Variants in PLXNC1 observed in about 807,000 individuals in gnomAD.
The protein encoded by PLXNC1 is plexin C1.
In PLXNC1, 75 loss-of-function variants were observed where a neutral mutation model predicts 178.2. The observed-to-expected ratio is 0.42, with a 90% CI of 0.35 to 0.51. The LOEUF (loss-of-function observed/expected upper bound fraction) is 0.51, where lower values mean the gene tolerates loss of function less well. Ranked by LOEUF, PLXNC1 falls within the 20% of genes least tolerant of loss-of-function variation. The probability of loss-of-function intolerance (pLI) is 0.02; values close to 1 mark genes in which losing one functional copy is unlikely to be tolerated. For missense variants in PLXNC1, 1,503 were observed against 1,984.4 expected (o/e 0.76, Z 4.61); for synonymous variants, 790 against 779.9 (o/e 1.01, Z -0.22).
At chr12:94,255,832 T>G (rs1311908710) in intron 17 of PLXNC1, 1 of 158,010 alleles carries the variant, frequency 6.3e-6, no homozygotes, top group East Asian at 1.8e-4. Context: ...TAGTTTTTCT[T>G]TAGCTGGTCA....
At chr12:94,235,296 G>A (rs1225118972) in intron 9 of PLXNC1, among the ~76,000 whole-genome samples, 2 of 152,174 alleles carry the variant, frequency 1.3e-5, no homozygotes, top group Admixed American at 6.5e-5. Flanking sequence ...GATGGTGTTC[G>A]TAGAGCCATT....
intron 1 of PLXNC1, among the ~76,000 whole-genome samples, chr12:94,164,059 A>G (rs1268871293): frequency 6.6e-6 from 1 of 152,120 alleles, no homozygotes; most frequent in Non-Finnish European, 1.5e-5. Context: ...AGGAGACTTA[A>G]CTTGCTGGAA....
chr12:94,168,578 G>A (rs563623595), intron 1 of PLXNC1, among the ~76,000 whole-genome samples: 2 of 152,084 alleles, frequency 1.3e-5, no homozygotes, highest in Admixed American at 6.6e-5. Flanking sequence ...TCTGTGGCTC[G>A]ATCCTACCCA....
intron 4 of PLXNC1, among the ~76,000 whole-genome samples, chr12:94,187,900 A>G (rs1962578462): frequency 6.6e-6 from 1 of 152,026 alleles, no homozygotes; most frequent in South Asian, 2.1e-4. Context: ...GTGAGTGTTG[A>G]TTGAGGAGAG....
Position 94,265,112 on chromosome 12 carries a change from A to T in PLXNC1, c.3484A>T (p.Thr1162Ser). The change falls in exon 21 of 31, where the codon ACG (threonine) becomes TCG (serine). Residue 1162 changes from threonine to serine, a missense_variant. Physicochemically the swap from Thr to Ser is moderately conservative, Grantham distance 58. This residue lies in a region of PLXNC1 where 639 missense variants were observed against 979.7 expected (regional missense o/e 0.65). Coordinates refer to ENST00000258526, the MANE Select transcript of PLXNC1 (RefSeq NM_005761.3). ...TVGEPFYLLV[T>S]TLNQKINKGP... ...CGGAGAGCCCTTCTATTTGCTGGTGACGACTCTGAACCAGAAAATTAACAA... is the reference window on the plus strand; with the variant it reads ...CGGAGAGCCCTTCTATTTGCTGGTGTCGACTCTGAACCAGAAAATTAACAA... The T allele has an allele frequency of 6.2e-7, 1 of 1,614,160 alleles. No homozygotes were observed. Among genetic ancestry groups the T allele is most frequent in the Non-Finnish European group, 8.5e-7 (1 of 1,180,000 alleles).
intron 4 of PLXNC1, among the ~76,000 whole-genome samples, chr12:94,199,508 G>T (rs573191537): frequency 2.0e-5 from 3 of 152,164 alleles, no homozygotes; most frequent in African/African-American, 7.2e-5. Flanking sequence ...CTGAATTACC[G>T]TTGTGTGGGC....
chr12:94,181,966 G>T (rs1400145591), intron 3 of PLXNC1, among the ~76,000 whole-genome samples: 2 of 151,920 alleles, frequency 1.3e-5, no homozygotes, highest in Non-Finnish European at 2.9e-5. Context: ...TTAATATCAG[G>T]CCACAGTCTC....
chr12:94,156,464 C>A (rs898080670), intron 1 of PLXNC1, among the ~76,000 whole-genome samples: 1 of 144,458 alleles, frequency 6.9e-6, no homozygotes, highest in East Asian at 2.1e-4. Flanking sequence ...CTGCCTTGAT[C>A]CCCACTGTCT....
At chr12:94,194,974 C>G (rs1006478163) in intron 4 of PLXNC1, among the ~76,000 whole-genome samples, 1 of 152,020 alleles carries the variant, frequency 6.6e-6, no homozygotes, top group Non-Finnish European at 1.5e-5. Flanking sequence ...CCTGGGTAGA[C>G]CTTCACCAGG....
intron 5 of PLXNC1, among the ~76,000 whole-genome samples, chr12:94,213,837 G>A (rs1357549110): frequency 1.3e-5 from 2 of 150,950 alleles, no homozygotes; most frequent in Non-Finnish European, 2.9e-5. Context: ...TGTATCAGGT[G>A]TAAGGAAGGG....
At chr12:94,184,632 C>T (rs1036503390) in intron 3 of PLXNC1, among the ~76,000 whole-genome samples, 2 of 152,098 alleles carry the variant, frequency 1.3e-5, no homozygotes, top group Admixed American at 6.5e-5. Context: ...AGACTGGTCT[C>T]CAACTCCAGG....
At chr12:94,287,746 C>T (rs1225072082) in intron 23 of PLXNC1, among the ~76,000 whole-genome samples, 7 of 152,310 alleles carry the variant, frequency 4.6e-5, no homozygotes, top group African/African-American at 1.7e-4. Flanking sequence ...TCAAGTCCAT[C>T]ATCTGTGACA....
chr12:94,289,197 GCTC>G (rs1967020016), intron 23 of PLXNC1, among the ~76,000 whole-genome samples: 1 of 152,168 alleles, frequency 6.6e-6, no homozygotes, highest in Admixed American at 6.5e-5. Context: ...AGGATGTGTA[GCTC>G]CTGTTTATTT....
intron 23 of PLXNC1, among the ~76,000 whole-genome samples, chr12:94,291,181 G>A (rs1967283492): frequency 6.6e-6 from 1 of 152,200 alleles, no homozygotes; most frequent in Non-Finnish European, 1.5e-5. Context: ...TATATACAGA[G>A]GCCTGCCTTT....
At chr12:94,207,253 G>C (rs1421355212) in intron 4 of PLXNC1, among the ~76,000 whole-genome samples, 3 of 152,036 alleles carry the variant, frequency 2.0e-5, no homozygotes, top group Non-Finnish European at 4.4e-5. Flanking sequence ...TAAAAACAAG[G>C]AATTTATGTT....
intron 5 of PLXNC1, among the ~76,000 whole-genome samples, chr12:94,212,143 G>A (rs1357030948): frequency 1.3e-5 from 2 of 151,410 alleles, no homozygotes; most frequent in African/African-American, 2.4e-5. Context: ...GCGTGGTGGC[G>A]GGCGCCTGTA....
At chr12:94,279,721 T>TC in intron 22 of PLXNC1, 72 bp downstream of exon 22, 2 of 1,287,778 alleles carry the variant, frequency 1.6e-6, no homozygotes, top group South Asian at 1.2e-5. Flanking sequence ...TCCCTCCCTG[T>TC]CCCCCCTCCC....
In PLXNC1 at chr12:94,260,527, A is replaced by G. The variant is rs1964965658; in HGVS notation, c.3252-115A>G. ...TAAACATTAAAAAAAAAAAAAAAAA[A>G]GCTCCCAACCCAACAGGCCAGCTCC... On this transcript the variant is annotated intron_variant, in intron 19 of 30. Coordinates refer to ENST00000258526, the MANE Select transcript of PLXNC1 (RefSeq NM_005761.3). This position sits in a 1 kb window ranked among gnomAD's most constrained non-coding sequence, Gnocchi z 4.4. The G allele has an allele frequency of 1.7e-6, 1 of 579,088 alleles. No individual in the cohort carries two copies. The highest frequency in any genetic ancestry group is 2.2e-5 in the South Asian group (1 of 45,472). 35.9% of individuals were successfully genotyped at this position (579,088 alleles called of 1,614,324 possible).
intron 21 of PLXNC1, chr12:94,277,133 A>G (rs1966023126): frequency 6.6e-6 from 1 of 152,258 alleles, no homozygotes; most frequent in Non-Finnish European, 1.5e-5. Flanking sequence ...TGAGAAGTCC[A>G]AGATCAAGAG....
Sources: allele counts gnomAD v4.1 joint callset (sites outside exome capture counted in the v4.1 genomes callset), GRCh38; gene constraint gnomAD v4.1.1; regional missense constraint gnomAD v4.1.1; non-coding constraint Gnocchi (gnomAD v3.1); transcripts MANE v1.5; gene names NCBI Gene and HGNC (gene_info 2026-07-23, HGNC 2026-07-21).